The following MACF1 variants were observed in gnomAD, a reference collection of about 807,000 sequenced individuals.
MACF1 encodes the protein microtubule-actin cross-linking factor 1.
A neutral mutation model predicts 854.8 loss-of-function variants in MACF1; 193 were observed. The ratio of observed to expected loss-of-function variants is 0.23; its 90% CI spans 0.20 to 0.25. MACF1 has a LOEUF of 0.25. Among genes scored for constraint, MACF1 ranks in the 10% least tolerant of loss-of-function variants. The pLI is 1.00. For missense variants in MACF1, 7,722 were observed against 8,929.1 expected (o/e 0.86, Z 5.45); for synonymous variants, 3,185 against 3,226.7 (o/e 0.99, Z 0.44).
At position 39,319,680 on chromosome 1, in the gene MACF1, T is replaced by C; in HGVS notation, c.3962T>C (p.Ile1321Thr). ...GCTTCCTAGGCCCTATTTGCAGAAA[T>C]TGAGAGAAATCAGACAAAACTGGAT... The part of the protein sequence containing the change: ...LSQQTALFAE[I>T]ERNQTKLDQC... Residue 1321 changes from isoleucine to threonine, a missense_variant, in exon 31 of 101, where the codon ATT (isoleucine) becomes ACT (threonine). By Grantham distance (89) the Ile-to-Thr change is moderately conservative. This residue lies in a region of MACF1 where 1,137 missense variants were observed against 1,263.0 expected (regional missense o/e 0.90). Transcript: ENST00000564288. The C allele has an allele frequency of 3.1e-6, 5 of 1,613,518 alleles. No individual in the cohort carries two copies. The highest frequency in any genetic ancestry group is 4.2e-6 in the Non-Finnish European group (5 of 1,179,664).
Position 39,333,736 on chromosome 1 carries a change from C to G in MACF1, c.7148C>G (p.Ser2383Cys). Residue 2383 changes from serine (S) to cysteine (C), a missense_variant, in exon 37 of 101, where the codon TCT becomes TGT. This residue lies in a region of MACF1 where 1,531 missense variants were observed against 1,601.6 expected (regional missense o/e 0.96). Coordinates refer to ENST00000564288, the MANE Select transcript of MACF1 (RefSeq NM_001394062.1). ...VLDPRTQTLC[S>C]VKDAVTVGLL... ...GACCCCCGTACCCAGACACTGTGCT[C>G]TGTAAAGGATGCAGTTACAGTTGGA... 6.2e-7 allele frequency: 1 copy of G among 1,614,154 alleles called. No individual in the cohort carries two copies. Among genetic ancestry groups the G allele is most frequent in the Non-Finnish European group, 8.5e-7 (1 of 1,180,034 alleles).
chr1:39,142,932 C>G (rs1643376702), intron 2 of MACF1, among the ~76,000 whole-genome samples: 1 of 152,212 alleles, frequency 6.6e-6, no homozygotes, highest in African/African-American at 2.4e-5. Context: ...TCTTAGCTCT[C>G]CTTCCAGCTT....
intron 56 of MACF1, among the ~76,000 whole-genome samples, chr1:39,382,801 AT>A (rs375947970): frequency 4.6e-5 from 7 of 152,124 alleles, no homozygotes; most frequent in African/African-American, 1.4e-4. Flanking sequence ...AAAAAAATTG[AT>A]TTAAGTGCCT....
chr1:39,214,013 A>G (rs663978), intron 1 of MACF1, among the ~76,000 whole-genome samples: 144,408 of 152,286 alleles, frequency 0.95, 68,567 homozygotes, highest in East Asian at 1. Flanking sequence ...GTCTGCTAGG[A>G]AAGCTTGCAT....
chr1:39,368,999 C>CTTTT (rs552062352), intron 50 of MACF1, among the ~76,000 whole-genome samples: 4 of 121,890 alleles, frequency 3.3e-5, no homozygotes, highest in African/African-American at 1.2e-4. Context: ...AGTCCCCTGG[C>CTTTT]TTTTTTTTTT....
intron 1 of MACF1, among the ~76,000 whole-genome samples, chr1:39,228,293 A>G (rs188810872): frequency 2.6e-5 from 4 of 152,284 alleles, no homozygotes; most frequent in African/African-American, 9.6e-5. Flanking sequence ...CTGGGTGACA[A>G]AAGCGAAACT....
In MACF1 at chr1:39,414,653, C is replaced by A. The variant is rs1472457006; in HGVS notation, c.15817-7721C>A. Reference sequence around the variant, plus strand: ...TGGGGAAAATATACTTTAATTTTGTCTGGTGAAAGACTTTATAATTTCATG... The same window carrying A: ...TGGGGAAAATATACTTTAATTTTGTATGGTGAAAGACTTTATAATTTCATG... On this transcript the variant is annotated intron_variant, in intron 58 of 100. Coordinates refer to ENST00000564288, the MANE Select transcript of MACF1 (RefSeq NM_001394062.1). 9 of 947,732 alleles carry A rather than the reference C, an allele frequency of 9.5e-6. No homozygotes were observed. In the East Asian group the frequency reaches 2.3e-4, roughly 25 times the overall value. The allele number at this position is 947,732 out of a possible 1,614,324, so 58.7% of individuals were successfully genotyped here.
rs542840714 is a variant in MACF1 at position 39,291,845 on chromosome 1, G to A, written c.1786-65G>A. ...CCCTTGGTTCCTTGTCCTAACATTG[G>A]TTCTGACCATTTTCCTACCAAGCCA... On this transcript the variant is annotated intron_variant, in intron 15 of 100. Coordinates refer to ENST00000564288, the MANE Select transcript of MACF1 (RefSeq NM_001394062.1). The A allele has an allele frequency of 4.5e-6, 7 of 1,543,084 alleles. No homozygotes were observed. The South Asian group carries it at 8.5e-5, about 19-fold the overall frequency.
At chr1:39,360,722 AATAATAAAGTC>A in intron 47 of MACF1, 60 bp from the exon 48 acceptor site, 55 of 511,206 alleles carry the variant, frequency 1.1e-4, no homozygotes, top group South Asian at 2.9e-4. Context: ...TAATAATATT[AATAATAAAGTC>A]TTTAAAAGCA....
intron 2 of MACF1, among the ~76,000 whole-genome samples, chr1:39,126,137 A>G (rs1642855148): frequency 6.6e-6 from 1 of 152,208 alleles, no homozygotes; most frequent in Admixed American, 6.5e-5. Context: ...GGCTTAAACA[A>G]CAGATATTTA....
At chr1:39,302,534 A>G (rs557401726) in intron 22 of MACF1, among the ~76,000 whole-genome samples, 110 of 152,286 alleles carry the variant, frequency 7.2e-4, no homozygotes, top group African/African-American at 2.5e-3. Flanking sequence ...TTTGGGTGGG[A>G]TGATAGGAAG....
intron 96 of MACF1, 78 bp downstream of exon 96, chr1:39,468,810 G>A: frequency 7.9e-7 from 1 of 1,259,964 alleles, no homozygotes. Context: ...AGGAAGCATT[G>A]ATGGTGGGGT....
At chr1:39,398,824 T>C (rs1225422588) in intron 58 of MACF1, among the ~76,000 whole-genome samples, 4 of 152,208 alleles carry the variant, frequency 2.6e-5, no homozygotes, top group Non-Finnish European at 5.9e-5. Context: ...GCTCCTGCTG[T>C]GGAAATCAAT....
intron 3 of MACF1, 107 bp from the exon 4 acceptor site, chr1:39,251,739 A>G (rs888199592): frequency 2.0e-5 from 11 of 548,290 alleles, no homozygotes; most frequent in South Asian, 6.3e-5. Flanking sequence ...GGGTATTTTC[A>G]TATTTGTTTT....
At position 39,108,604 on chromosome 1, in the gene MACF1, G is replaced by T. The variant is rs538593074; in HGVS notation, c.220+24166G>T. On this transcript the variant is annotated intron_variant, in intron 2 of 93. Transcript: ENST00000361689. ...CCACTCACTGCAAGCTCTGCCTCGC[G>T]GTTCACGCCGGAGGAAATTAAGAAG... Among the ~76,000 whole-genome samples the T allele has an allele frequency of 1.1e-3, 170 of 150,258 alleles. 1 individual carries two copies. Among genetic ancestry groups the T allele is most frequent in the African/African-American group, 4.1e-3 (167 of 40,832 alleles).
At chr1:39,120,511 T>G (rs1391065474) in intron 2 of MACF1, among the ~76,000 whole-genome samples, 1 of 151,956 alleles carries the variant, frequency 6.6e-6, no homozygotes, top group Non-Finnish European at 1.5e-5. Flanking sequence ...ATTACAGGTG[T>G]GCACCACCAC....
chr1:39,194,336 CTTTTCTTTTCTTTTCTTTT>C (rs1165585395), intron 2 of MACF1, among the ~76,000 whole-genome samples: 630 of 61,218 alleles, frequency 0.01, 2 homozygotes, highest in African/African-American at 0.034. Flanking sequence ...CTTTTCTTTT[CTTTTCTTTTCTTTTCTTTT>C]TTTTTTTTTT....
At chr1:39,413,135 C>A in intron 58 of MACF1, 1 of 1,611,924 alleles carries the variant, frequency 6.2e-7, no homozygotes, top group South Asian at 1.1e-5. Context: ...GAGTGGGCTG[C>A]TTTAGCTATT....
Position 39,303,042 on chromosome 1 carries a change from C to T in MACF1, c.2753C>T (p.Pro918Leu). The change falls in exon 23 of 101, where the codon CCC becomes CTC. Residue 918 changes from proline to leucine, a missense_variant. Around this residue, in one of 15 missense-constraint regions of MACF1, gnomAD observed 1,137 missense variants for 1,263.0 expected, o/e 0.90. Transcript: ENST00000564288. ...AMVPSVCFLI[P>L]PPNKDAIEMA... ...GTGCCGTCAGTCTGCTTCCTCATCC[C>T]CCCACCCAATAAGGATGCCATTGAG... The T allele has an allele frequency of 6.2e-7, 1 of 1,614,156 alleles. No individual in the cohort carries two copies. Among genetic ancestry groups the T allele is most frequent in the South Asian group, 1.1e-5 (1 of 91,070 alleles).
Sources: gnomAD v4.1 joint callset for allele counts (sites outside exome capture counted in the v4.1 genomes callset) on GRCh38, gnomAD v4.1.1 for gene constraint, gnomAD v4.1.1 regional missense constraint, MANE v1.5 for transcripts, NCBI Gene and HGNC (gene_info 2026-07-23, HGNC 2026-07-21) for gene names.